Variants in EFNB2 observed in about 807,000 individuals in gnomAD.
The protein encoded by EFNB2 is ephrin B2, also known as ephrin-B2.
Under a neutral mutation model 32.1 loss-of-function variants are expected in EFNB2, and 5 were observed. The ratio of observed to expected loss-of-function variants is 0.16; its 90% confidence interval spans 0.08 to 0.33. The LOEUF is 0.33. Ranked by LOEUF, EFNB2 falls within the 10% of genes least tolerant of loss-of-function variation. EFNB2 has a pLI of 1.00. For synonymous variants in EFNB2, 168 were observed against 166.5 expected, an observed-to-expected ratio of 1.01 and a Z score of -0.07; for missense variants, 263 against 422.6, an observed-to-expected ratio of 0.62 and a Z score of 3.31.
In EFNB2 at chr13:106,494,970, C is replaced by G. The variant is rs747367813; in HGVS notation, c.524G>C (p.Arg175Thr). The change falls in exon 4 of 5, where the codon AGG becomes ACG. Residue 175 changes from arginine to threonine, a missense_variant. Transcript: ENST00000646441. ...GQDASSAGST[R>T]NKDPTRRPEL... ...TGGACGTCTTGTTGGATCTTTATTC[C>G]TGGTTGATCCAGCAGAACTTGCATC... 2 of 1,613,950 alleles carry G rather than the reference C, an allele frequency of 1.2e-6. No homozygotes were observed. The highest frequency in any genetic ancestry group is 2.2e-5 in the South Asian group (2 of 91,076).
At chr13:106,527,946 G>A (rs1879753598) in intron 1 of EFNB2, among the ~76,000 whole-genome samples, 2 of 152,178 alleles carry the variant, frequency 1.3e-5, no homozygotes, top group Non-Finnish European at 2.9e-5. Context: ...CCATAAATAT[G>A]CACCAGTCTG....
intron 2 of EFNB2, among the ~76,000 whole-genome samples, chr13:106,501,373 T>C (rs1690957292): frequency 1.3e-5 from 2 of 152,214 alleles, no homozygotes; most frequent in South Asian, 2.1e-4. Flanking sequence ...TGTTTTTCAC[T>C]GTGGCTTTAA....
At chr13:106,517,858 G>T (rs1372368888) in intron 1 of EFNB2, 9 of 152,110 alleles carry the variant, frequency 5.9e-5, no homozygotes, top group African/African-American at 2.2e-4. Context: ...TTTACTCTTG[G>T]ATTACCTATT....
At chr13:106,508,992 T>G (rs781206146) in intron 2 of EFNB2, among the ~76,000 whole-genome samples, 10 of 152,198 alleles carry the variant, frequency 6.6e-5, no homozygotes, top group Non-Finnish European at 1.5e-4. Context: ...GAGGATCATG[T>G]CCATTTGAAA....
chr13:106,533,614 T>C (rs530582975), intron 1 of EFNB2, among the ~76,000 whole-genome samples: 2 of 152,286 alleles, frequency 1.3e-5, no homozygotes, highest in South Asian at 4.1e-4. Flanking sequence ...ATTTGACACT[T>C]TTAAGAGAAT....
chr13:106,503,006 T>G (rs1033093041), intron 2 of EFNB2, among the ~76,000 whole-genome samples: 2 of 152,184 alleles, frequency 1.3e-5, no homozygotes, highest in East Asian at 3.9e-4. Flanking sequence ...GGCAATAAAC[T>G]GCACCTCCCC....
At chr13:106,495,120 G>A in intron 3 of EFNB2, 126 bp from the exon 4 acceptor site, 1 of 699,102 alleles carries the variant, frequency 1.4e-6, no homozygotes, top group East Asian at 2.6e-5. Flanking sequence ...AAAGTACTGT[G>A]AAATACAAGA....
chr13:106,508,468 A>G (rs974318867), intron 2 of EFNB2, among the ~76,000 whole-genome samples: 2 of 152,202 alleles, frequency 1.3e-5, no homozygotes, highest in East Asian at 1.9e-4. Flanking sequence ...CATGGCCATA[A>G]TATCTCCATC....
intron 1 of EFNB2, among the ~76,000 whole-genome samples, chr13:106,532,937 TTTTC>T (rs1370552088): frequency 6.6e-6 from 1 of 152,108 alleles, no homozygotes; most frequent in Non-Finnish European, 1.5e-5. Flanking sequence ...ATTGTTCTAC[TTTTC>T]TTTTTCTCCC....
At position 106,535,275 on chromosome 13, in the gene EFNB2, G is replaced by A. The variant is rs2138953273; in HGVS notation, c.-311C>T. On this transcript the variant is annotated 5_prime_UTR_variant, in exon 1 of 5. Coordinates refer to ENST00000646441, the MANE Select transcript of EFNB2 (RefSeq NM_004093.4). ...GGCTCCAGGGTGCCGGGCCGGCCGC[G>A]GCTGGCGGGTGGGCGCGGGGCGGGT... 6.7e-6 allele frequency: 1 copy of A among 149,460 alleles called. No individual in the cohort carries two copies. Among genetic ancestry groups the A allele is most frequent in the East Asian group, 2.0e-4 (1 of 5,088 alleles). 9.3% of individuals were successfully genotyped at this position (149,460 alleles called of 1,614,324 possible).
chr13:106,501,220 T>C (rs1566456195), intron 2 of EFNB2, among the ~76,000 whole-genome samples: 2 of 152,214 alleles, frequency 1.3e-5, no homozygotes, highest in South Asian at 2.1e-4. Context: ...ATGGAAATGA[T>C]AGTGTTCACT....
In EFNB2 at chr13:106,490,753, AATATATATTGTAG is replaced by A. The variant is rs1212853008; in HGVS notation, c.*2274_*2286del. On this transcript the variant is annotated 3_prime_UTR_variant, in exon 5 of 5. Coordinates refer to ENST00000646441, the MANE Select transcript of EFNB2 (RefSeq NM_004093.4). ...ACAGAAATATGATATAGATATATATAATATATATTGTAGATATATATTATACATATATGTACAC... is the reference window on the plus strand; with the variant it reads ...ACAGAAATATGATATAGATATATATAATATATATTATACATATATGTACAC... The A allele has an allele frequency of 6.6e-6, 1 of 151,798 alleles. No individual in the cohort carries two copies. Among genetic ancestry groups the A allele is most frequent in the Non-Finnish European group, 1.5e-5 (1 of 67,954 alleles). 9.4% of individuals were successfully genotyped at this position (151,798 alleles called of 1,614,324 possible).
intron 2 of EFNB2, among the ~76,000 whole-genome samples, chr13:106,503,024 C>T (rs769109022): frequency 1.3e-5 from 2 of 152,162 alleles, no homozygotes; most frequent in African/African-American, 2.4e-5. Flanking sequence ...CCCCAACCCC[C>T]GACTTTTTTG....
intron 2 of EFNB2, among the ~76,000 whole-genome samples, chr13:106,500,500 AGATG>A (rs1449430853): frequency 6.6e-6 from 1 of 152,256 alleles, no homozygotes; most frequent in Non-Finnish European, 1.5e-5. Flanking sequence ...AGGAGAGGGC[AGATG>A]GACACTTGGA....
chr13:106,494,278 A>G (rs765168174), intron 4 of EFNB2, among the ~76,000 whole-genome samples: 23 of 152,248 alleles, frequency 1.5e-4, no homozygotes, highest in African/African-American at 5.5e-4. Context: ...CTTCATTAGC[A>G]TGGTAACAAA....
In EFNB2 at chr13:106,531,395, G is replaced by C. The variant is rs558363118; in HGVS notation, c.122+3448C>G. ...GACAAAATGTGAGGAATGTGGATGT[G>C]AAAGCACTAACAATTCCACCCCTGG... On this transcript the variant is annotated intron_variant, in intron 1 of 4. Coordinates refer to ENST00000646441, the MANE Select transcript of EFNB2 (RefSeq NM_004093.4). Among the ~76,000 whole-genome samples the C allele has an allele frequency of 2.0e-5, 3 of 152,338 alleles. 1 individual carries two copies. The highest frequency in any genetic ancestry group is 2.0e-4 in the Admixed American group (3 of 15,306).
At position 106,493,154 on chromosome 13, in the gene EFNB2, C is replaced by G; in HGVS notation, c.888G>C (p.Ala296=). 6.2e-7 allele frequency: 1 copy of G among 1,614,116 alleles called. No homozygotes were observed. The highest frequency in any genetic ancestry group is 8.5e-7 in the Non-Finnish European group (1 of 1,180,042). ...CGTAGTGAGGGCAGAAGACGCTGTC[C>G]GCAGTCCTTAGCGGGATGATAATGT... ...PSDIIIPLRT[A]DSVFCPHYEK... The change falls in exon 5 of 5, where the codon GCG becomes GCC. Residue 296 remains alanine, a synonymous_variant. Transcript: ENST00000646441. This position sits in a 1 kb window ranked among gnomAD's most constrained non-coding sequence, Gnocchi z 6.1.
At chr13:106,498,334 T>C (rs753042152) in intron 2 of EFNB2, among the ~76,000 whole-genome samples, 12 of 152,194 alleles carry the variant, frequency 7.9e-5, no homozygotes, top group South Asian at 2.1e-4. Context: ...GTAAATAGAA[T>C]TGAGAACTGC....
chr13:106,535,038 C>G lies in EFNB2; in HGVS notation c.-74G>C. On this transcript the variant is annotated 5_prime_UTR_variant, in exon 1 of 5. Coordinates refer to ENST00000646441, the MANE Select transcript of EFNB2 (RefSeq NM_004093.4). ...CGGGACGCAGGCTGGGACCCCCAAT[C>G]CTCCGGGGCAGACTGGCGGGGAAGA... 1 of 1,575,534 alleles carries G rather than the reference C, an allele frequency of 6.3e-7. No homozygotes were observed.
Sources: gnomAD v4.1 joint callset for allele counts (sites outside exome capture counted in the v4.1 genomes callset) on GRCh38, gnomAD v4.1.1 for gene constraint, Gnocchi (gnomAD v3.1) non-coding constraint, MANE v1.5 for transcripts, NCBI Gene and HGNC (gene_info 2026-07-23, HGNC 2026-07-21) for gene names.